SGCD: variants seen among roughly 807,000 people sequenced by gnomAD.
SGCD encodes the protein delta-sarcoglycan.
Under a neutral mutation model 36.6 loss-of-function variants are expected in SGCD, and 18 were observed. The ratio of observed to expected loss-of-function variants is 0.49; its 90% CI spans 0.34 to 0.73. The LOEUF is 0.73. Ranked by LOEUF, SGCD falls within the 30% of genes least tolerant of loss-of-function variation. SGCD has a pLI of 0.01. For missense variants in SGCD, 387 were observed against 346.7 expected (o/e 1.12, Z -0.92); for synonymous variants, 133 against 130.6 (o/e 1.02, Z -0.12).
intron 3 of SGCD, among the ~76,000 whole-genome samples, chr5:156,210,430 A>C (rs1274828185): frequency 2.0e-5 from 3 of 152,170 alleles, no homozygotes; most frequent in African/African-American, 7.2e-5. Context: ...CAGCACCAAA[A>C]GGACATAATA....
chr5:156,328,931 G>T (rs1767937453), intron 1 of SGCD, among the ~76,000 whole-genome samples: 1 of 152,082 alleles, frequency 6.6e-6, no homozygotes, highest in African/African-American at 2.4e-5. Context: ...CACTGCCAAT[G>T]AAAAAGGGAG....
At chr5:156,741,872 GTTTTTTTTTTTTTCTT>G (rs1756692130) in intron 7 of SGCD, among the ~76,000 whole-genome samples, 1 of 144,756 alleles carries the variant, frequency 6.9e-6, no homozygotes, top group Admixed American at 6.9e-5. Context: ...ATGTTTTCAG[GTTTTTTTTTTTTTCTT>G]TTTTTGAGAC....
the SGCD span, among the ~76,000 whole-genome samples, chr5:155,793,487 G>A: frequency 0.28 from 42,007 of 151,730 alleles, 7,403 homozygotes; most frequent in East Asian, 0.44. Flanking sequence ...TTTAGTTTTG[G>A]TAGTTGATAG....
At chr5:156,302,284 G>A (rs1374734247) in intron 3 of SGCD, among the ~76,000 whole-genome samples, 2 of 151,656 alleles carry the variant, frequency 1.3e-5, no homozygotes, top group African/African-American at 4.8e-5. Context: ...TGCTTGATCA[G>A]TTCTGTTGTT....
At chr5:156,473,325 T>C (rs80129747) in intron 3 of SGCD, among the ~76,000 whole-genome samples, 3,125 of 152,278 alleles carry the variant, frequency 0.021, 35 homozygotes, top group Non-Finnish European at 0.032. Flanking sequence ...AAAACTATCA[T>C]ACGTTGCAAA....
intron 3 of SGCD, among the ~76,000 whole-genome samples, chr5:156,302,210 C>A (rs1767071969): frequency 6.6e-6 from 1 of 151,796 alleles, no homozygotes; most frequent in East Asian, 1.9e-4. Context: ...ATTCTTTTTT[C>A]TTTTGTATCC....
At chr5:155,738,208 G>C in the SGCD span, among the ~76,000 whole-genome samples, 1 of 152,076 alleles carries the variant, frequency 6.6e-6, no homozygotes, top group Non-Finnish European at 1.5e-5. Context: ...TACTTGAACT[G>C]GGGGCAGAAT....
At chr5:155,930,913 C>T (rs1757085937) in intron 1 of SGCD, among the ~76,000 whole-genome samples, 1 of 152,126 alleles carries the variant, frequency 6.6e-6, no homozygotes, top group South Asian at 2.1e-4. Context: ...TAATCATAAT[C>T]CCTGACATTT....
At chr5:155,985,001 A>C (rs1758302148) in intron 1 of SGCD, among the ~76,000 whole-genome samples, 1 of 152,230 alleles carries the variant, frequency 6.6e-6, no homozygotes, top group Non-Finnish European at 1.5e-5. Context: ...AGGTGCTCCA[A>C]AAATAGATAC....
At chr5:156,431,630 G>A (rs1226335256) in intron 3 of SGCD, among the ~76,000 whole-genome samples, 1 of 152,178 alleles carries the variant, frequency 6.6e-6, no homozygotes, top group Non-Finnish European at 1.5e-5. Context: ...TTTGTCCCAC[G>A]GGGTAATCCC....
At chr5:155,896,860 G>A (rs1394223626) in intron 1 of SGCD, among the ~76,000 whole-genome samples, 3 of 152,112 alleles carry the variant, frequency 2.0e-5, no homozygotes, top group African/African-American at 7.2e-5. Flanking sequence ...CAACACTAAA[G>A]TTTGAAAATC....
rs551258494 is a variant in SGCD at position 156,525,140 on chromosome 5, C to T, written c.294+16438C>T. Among the ~76,000 whole-genome samples, 16 of 152,002 alleles carry T rather than the reference C, an allele frequency of 1.1e-4. No individual in the cohort carries two copies. In the South Asian group the frequency reaches 1.2e-3, roughly 12 times the overall value. The stretch of plus-strand genomic sequence containing the variant: ...AGTTCTATTTTACTTTTTTTGAGGA[C>T]GCTCCATGCAGTTTTCCATAATGGC... On this transcript the variant is annotated intron_variant, in intron 4 of 8. Coordinates refer to ENST00000337851, the MANE Select transcript of SGCD (RefSeq NM_000337.6).
At chr5:155,931,109 A>G (rs1757090940) in intron 1 of SGCD, among the ~76,000 whole-genome samples, 1 of 152,174 alleles carries the variant, frequency 6.6e-6, no homozygotes, top group East Asian at 1.9e-4. Context: ...AAACTGAATG[A>G]TCATATGGTA....
intron 6 of SGCD, among the ~76,000 whole-genome samples, chr5:156,609,532 C>T (rs1316899210): frequency 8.5e-5 from 13 of 152,254 alleles, no homozygotes; most frequent in Non-Finnish European, 1.8e-4. Context: ...CTTGGAGTTG[C>T]TCCTCTCGAG....
chr5:156,402,090 A>G (rs930313191), intron 3 of SGCD, among the ~76,000 whole-genome samples: 1 of 152,226 alleles, frequency 6.6e-6, no homozygotes, highest in Non-Finnish European at 1.5e-5. Flanking sequence ...TGTAGTATGT[A>G]TCAAAATTTC....
chr5:156,621,818 C>A (rs1221629913), intron 6 of SGCD, among the ~76,000 whole-genome samples: 1 of 152,176 alleles, frequency 6.6e-6, no homozygotes, highest in South Asian at 2.1e-4. Flanking sequence ...ATTTTAATAG[C>A]TGACATTTCT....
chr5:156,227,607 G>A (rs1244401962), intron 3 of SGCD, among the ~76,000 whole-genome samples: 1 of 151,826 alleles, frequency 6.6e-6, no homozygotes, highest in Non-Finnish European at 1.5e-5. Context: ...GGTTCCATAT[G>A]AATTTTAGAA....
chr5:156,623,149 A>G (rs1203675850), intron 6 of SGCD, among the ~76,000 whole-genome samples: 1 of 152,230 alleles, frequency 6.6e-6, no homozygotes, highest in East Asian at 1.9e-4. Flanking sequence ...ATATATACAT[A>G]CATGGATCCT....
At chr5:156,491,046 G>T (rs1051466167) in intron 3 of SGCD, among the ~76,000 whole-genome samples, 3 of 151,768 alleles carry the variant, frequency 2.0e-5, no homozygotes, top group Admixed American at 1.3e-4. Flanking sequence ...AACACCAATA[G>T]AAAACTAGCT....
Sources: gnomAD v4.1 joint callset for allele counts (sites outside exome capture counted in the v4.1 genomes callset) on GRCh38, gnomAD v4.1.1 for gene constraint, MANE v1.5 for transcripts, NCBI Gene and HGNC (gene_info 2026-07-23, HGNC 2026-07-21) for gene names.